The following ADGRA2 variants were observed in gnomAD, a reference collection of about 807,000 sequenced individuals.
ADGRA2 encodes G-protein coupled receptor 124.
Under a neutral mutation model 98.7 loss-of-function variants are expected in ADGRA2, and 61 were observed. That is an observed-to-expected ratio of 0.62 (90% CI 0.50 to 0.76). The LOEUF is 0.76. Among genes scored for constraint, ADGRA2 ranks in the 30% least tolerant of loss-of-function variants. The pLI is 0.00. For synonymous variants in ADGRA2, 858 were observed against 831.5 expected (o/e 1.03, Z -0.55); for missense variants, 1,712 against 1,860.0 (o/e 0.92, Z 1.46).
Position 37,797,467 on chromosome 8 carries a change from G to T in ADGRA2, c.199G>T (p.Val67Leu), listed in dbSNP as rs1238670130. 7.7e-6 allele frequency: 11 copies of T among 1,426,910 alleles called. 1 individual carries two copies. In the African/African-American group the frequency reaches 1.3e-4, roughly 17 times the overall value. 88.4% of individuals were successfully genotyped at this position (1,426,910 alleles called of 1,614,324 possible). The part of the protein sequence containing the change: ...GVPGPARRRV[V>L]CSGGDLPEPP... ...CCCTGGCCCGGCTCGGCGGAGGGTG[G>T]TGTGCAGCGGCGGGGACCTCCCGGA... Residue 67 changes from valine (V) to leucine (L), a missense_variant, in exon 1 of 19, where the codon GTG (valine) becomes TTG (leucine). Val to Leu is a conservative substitution (Grantham distance 32). Transcript: ENST00000412232. This position sits in a 1 kb window ranked among gnomAD's most constrained non-coding sequence, Gnocchi z 5.3.
chr8:37,817,041 A>C (rs1805002266), intron 2 of ADGRA2, among the ~76,000 whole-genome samples: 1 of 152,056 alleles, frequency 6.6e-6, no homozygotes, highest in Non-Finnish European at 1.5e-5. Context: ...GTTCACAGGT[A>C]ATGGAGACAC....
chr8:37,830,995 G>A lies in ADGRA2; in HGVS notation c.932+72G>A, dbSNP rs973354547. The stretch of plus-strand genomic sequence containing the variant: ...GACCTACCCTACCCGTCACCACCCC[G>A]CAAAAGAGCTGCCCCCAGATGTGTT... On this transcript the variant is annotated intron_variant, in intron 7 of 18. Transcript: ENST00000412232. The surrounding 1 kb of genome is among the most constrained non-coding windows in gnomAD (Gnocchi z 4.8). The A allele has an allele frequency of 1.1e-4, 127 of 1,112,548 alleles. No individual in the cohort carries two copies. The highest frequency in any genetic ancestry group is 3.7e-5 in the Non-Finnish European group (28 of 765,110). 68.9% of individuals were successfully genotyped at this position (1,112,548 alleles called of 1,614,324 possible).
intron 1 of ADGRA2, among the ~76,000 whole-genome samples, chr8:37,811,673 G>A (rs539575526): frequency 7.5e-4 from 107 of 141,800 alleles, no homozygotes; most frequent in Middle Eastern, 4.2e-3. Flanking sequence ...ACGGGGTTTC[G>A]CCATGTTTGC....
At chr8:37,812,709 G>A (rs1197139833) in intron 1 of ADGRA2, among the ~76,000 whole-genome samples, 2 of 151,508 alleles carry the variant, frequency 1.3e-5, no homozygotes, top group African/African-American at 2.4e-5. Context: ...CTCTTGCCCA[G>A]GGTGGAGTGC....
Position 37,842,409 on chromosome 8 carries a change from C to T in ADGRA2, c.*54C>T. The stretch of plus-strand genomic sequence containing the variant: ...TGGCCACGCGGCTCGTTCCCCCGCT[C>T]CTCGGGGCCCTCCAAGGTGTCTCCG... On this transcript the variant is annotated 3_prime_UTR_variant, in exon 19 of 19. Transcript: ENST00000412232. 7.1e-7 allele frequency: 1 copy of T among 1,414,722 alleles called. No homozygotes were observed. Among genetic ancestry groups the T allele is most frequent in the Non-Finnish European group, 9.2e-7 (1 of 1,085,216 alleles). 87.6% of individuals were successfully genotyped at this position (1,414,722 alleles called of 1,614,324 possible).
At chr8:37,833,496 G>T (rs1168557481) in intron 9 of ADGRA2, among the ~76,000 whole-genome samples, 192 bp from the exon 10 acceptor site, 1 of 152,234 alleles carries the variant, frequency 6.6e-6, no homozygotes, top group Non-Finnish European at 1.5e-5. Flanking sequence ...TACACCAGGG[G>T]TGCTGGCAGT....
intron 2 of ADGRA2, among the ~76,000 whole-genome samples, chr8:37,823,499 C>A (rs2129980124): frequency 6.6e-6 from 1 of 152,250 alleles, no homozygotes; most frequent in South Asian, 2.1e-4. Flanking sequence ...CCACACGTGG[C>A]CAGTTTCTAC....
At position 37,841,607 on chromosome 8, in the gene ADGRA2, C is replaced by T; in HGVS notation, c.3269C>T (p.Ala1090Val). The T allele has an allele frequency of 1.3e-6, 2 of 1,561,710 alleles. No homozygotes were observed. The highest frequency in any genetic ancestry group is 1.7e-6 in the Non-Finnish European group (2 of 1,153,568). Reference sequence around the variant, plus strand: ...GCCTGCTGCCCCCCTGCCTCTCCCGCGGCCCCCCATGCCCCGCCCCGGGCC... The same window carrying T: ...GCCTGCTGCCCCCCTGCCTCTCCCGTGGCCCCCCATGCCCCGCCCCGGGCC... ...WRACCPPASP[A>V]APHAPPRALP... Residue 1090 changes from alanine to valine, a missense_variant, in exon 19 of 19, where the codon GCG (alanine) becomes GTG (valine). Ala to Val is a moderately conservative substitution (Grantham distance 64). Coordinates refer to ENST00000412232, the MANE Select transcript of ADGRA2 (RefSeq NM_032777.10). The surrounding 1 kb of genome is among the most constrained non-coding windows in gnomAD (Gnocchi z 5.0).
chr8:37,822,915 G>A (rs1172580929), intron 2 of ADGRA2, among the ~76,000 whole-genome samples: 1 of 141,188 alleles, frequency 7.1e-6, no homozygotes, highest in African/African-American at 2.7e-5. Flanking sequence ...TTTTTGAGAT[G>A]GAGTCTCACT....
chr8:37,830,610 G>GGCCCCC lies in ADGRA2; in HGVS notation c.719-100_719-99insGCCCCC. 1.7e-6 allele frequency: 1 copy of GGCCCCC among 579,886 alleles called. No individual in the cohort carries two copies. Among genetic ancestry groups the GGCCCCC allele is most frequent in the Non-Finnish European group, 3.2e-6 (1 of 315,942 alleles). 35.9% of individuals were successfully genotyped at this position (579,886 alleles called of 1,614,324 possible). ...AGCTGGAGCAGGCTGCAGGCCGAGG[G>GGCCCCC]CCCCGCCCCGCCCCACCCCATCCTG... On this transcript the variant is annotated intron_variant, in intron 6 of 18. Transcript: ENST00000412232. The surrounding 1 kb of genome is among the most constrained non-coding windows in gnomAD (Gnocchi z 4.8).
At chr8:37,818,607 C>T (rs1585384976) in intron 2 of ADGRA2, among the ~76,000 whole-genome samples, 1 of 152,352 alleles carries the variant, frequency 6.6e-6, no homozygotes, top group East Asian at 1.9e-4. Context: ...GCTGGTCACC[C>T]CATCCATTCA....
chr8:37,807,369 T>G (rs181396196), intron 1 of ADGRA2, among the ~76,000 whole-genome samples: 2 of 152,324 alleles, frequency 1.3e-5, no homozygotes, highest in Admixed American at 1.3e-4. Context: ...CATCCTCACT[T>G]TTGGAGGTCT....
chr8:37,822,694 G>C (rs549289025), intron 2 of ADGRA2, among the ~76,000 whole-genome samples: 26 of 152,144 alleles, frequency 1.7e-4, no homozygotes, highest in African/African-American at 6.0e-4. Context: ...TGCCTGTTCT[G>C]GACATTTTAT....
chr8:37,804,130 C>CACACACACACACACACAT lies in ADGRA2; in HGVS notation c.266+6613_266+6614insTACACACACACACACACA, dbSNP rs1554522474. Among the ~76,000 whole-genome samples the CACACACACACACACACAT allele has an allele frequency of 8.6e-3, 1,282 of 148,656 alleles. 36 individuals carry two copies. The highest frequency in any genetic ancestry group is 0.03 in the African/African-American group (1,174 of 39,704). ...ACACACACACACACACACACACACACACACACACACACACACACACACGGC... is the reference window on the plus strand; with the variant it reads ...ACACACACACACACACACACACACACACACACACACACACACATACACACACACACACACACACACGGC... On this transcript the variant is annotated intron_variant, in intron 1 of 18. Transcript: ENST00000412232.
chr8:37,827,289 G>C (rs1293545623), intron 2 of ADGRA2, among the ~76,000 whole-genome samples: 1 of 152,262 alleles, frequency 6.6e-6, no homozygotes, highest in Non-Finnish European at 1.5e-5. Context: ...ACAGGGTGAG[G>C]GAGAAGGCCA....
intron 2 of ADGRA2, among the ~76,000 whole-genome samples, chr8:37,822,384 T>TACACACACAC (rs147834043): frequency 8.8e-5 from 13 of 147,124 alleles, no homozygotes; most frequent in African/African-American, 1.3e-4. Flanking sequence ...TGTATGTGGG[T>TACACACACAC]ACACACACAC....
At chr8:37,811,727 C>T (rs925173395) in intron 1 of ADGRA2, among the ~76,000 whole-genome samples, 2 of 151,886 alleles carry the variant, frequency 1.3e-5, no homozygotes, top group African/African-American at 4.8e-5. Context: ...CTGCCCGCCT[C>T]AGCCTCCCAG....
At position 37,828,606 on chromosome 8, in the gene ADGRA2, T is replaced by C. The variant is rs1460192520; in HGVS notation, c.339-282T>C. Among the ~76,000 whole-genome samples, 4 of 150,242 alleles carry C rather than the reference T, an allele frequency of 2.7e-5. No individual in the cohort carries two copies. In the East Asian group the frequency reaches 7.9e-4, roughly 30 times the overall value. ...GGTTCAAGCAATTCTCCTGCCTAGC[T>C]GGGGCTACAGGTGCACACTGCCACA... On this transcript the variant is annotated intron_variant, in intron 2 of 18. Transcript: ENST00000412232.
intron 3 of ADGRA2, 115 bp from the exon 4 acceptor site, chr8:37,829,146 C>T: frequency 1.1e-6 from 1 of 902,888 alleles, no homozygotes; most frequent in Non-Finnish European, 1.8e-6. Flanking sequence ...CCAACCTCAT[C>T]TCCTTTTTCA....
Sources: allele counts gnomAD v4.1 joint callset (sites outside exome capture counted in the v4.1 genomes callset), GRCh38; gene constraint gnomAD v4.1.1; non-coding constraint Gnocchi (gnomAD v3.1); transcripts MANE v1.5; gene names NCBI Gene and HGNC (gene_info 2026-07-23, HGNC 2026-07-21).